The following PC variants were observed in gnomAD, a reference collection of about 807,000 sequenced individuals.
PC encodes pyruvate carboxylase.
Under a neutral mutation model 107.8 loss-of-function variants are expected in PC, and 46 were observed. That is an observed-to-expected ratio of 0.43 (90% confidence interval 0.34 to 0.55). The LOEUF (loss-of-function observed/expected upper bound fraction) is 0.55. Ranked by LOEUF, PC falls within the 20% of genes least tolerant of loss-of-function variation. The pLI, the probability that PC is intolerant of heterozygous loss-of-function variation, is 0.04. For synonymous variants in PC, 662 were observed against 684.7 expected, an observed-to-expected ratio of 0.97 and a Z score of 0.52; for missense variants, 1,241 against 1,643.1, an observed-to-expected ratio of 0.76 and a Z score of 4.23.
intron 9 of PC, 95 bp from the exon 10 acceptor site, chr11:66,869,059 T>G: frequency 2.1e-6 from 2 of 960,380 alleles, no homozygotes; most frequent in Non-Finnish European, 3.3e-6. Context: ...CCCATTGGGT[T>G]GGTTCCGTAA....
intron 3 of PC, among the ~76,000 whole-genome samples, chr11:66,883,825 C>T (rs1947266262): frequency 6.6e-6 from 1 of 152,118 alleles, no homozygotes; most frequent in South Asian, 2.1e-4. Context: ...GTGGCTCATG[C>T]TTGTAATCTC....
chr11:66,875,923 G>A (rs139897265), intron 3 of PC, among the ~76,000 whole-genome samples: 2,940 of 152,222 alleles, frequency 0.019, 44 homozygotes, highest in South Asian at 0.043. Flanking sequence ...TGGGGTTCCC[G>A]CTGCCGTGCA....
Position 66,857,942 on chromosome 11 carries a change from T to A in PC, c.1369-4559A>T. 6.2e-7 allele frequency: 1 copy of A among 1,612,462 alleles called. No homozygotes were observed. Among genetic ancestry groups the A allele is most frequent in the Non-Finnish European group, 8.5e-7 (1 of 1,179,906 alleles). On this transcript the variant is annotated intron_variant, in intron 12 of 22. Coordinates refer to ENST00000393960, the MANE Select transcript of PC (RefSeq NM_001040716.2). This position sits in a 1 kb window ranked among gnomAD's most constrained non-coding sequence, Gnocchi z 7.1. ...ACTTCATCCAGGCCCTGGGGCCCCC[T>A]GACTTCCGCAACATGACGGGACTGG...
chr11:66,872,678 C>T (rs946767310), intron 3 of PC, among the ~76,000 whole-genome samples: 53 of 150,682 alleles, frequency 3.5e-4, no homozygotes, highest in African/African-American at 1.0e-3. Flanking sequence ...GAGCTTGCAG[C>T]GAGCCGAGAT....
At chr11:66,862,706 TC>T (rs1946325731) in intron 12 of PC, among the ~76,000 whole-genome samples, 2 of 152,316 alleles carry the variant, frequency 1.3e-5, no homozygotes, top group Admixed American at 1.3e-4. Flanking sequence ...GGCTGTGGAT[TC>T]CTCTCTAGCT....
At chr11:66,859,648 C>T (rs774890962) in intron 12 of PC, 9 of 1,612,962 alleles carry the variant, frequency 5.6e-6, no homozygotes, top group Non-Finnish European at 7.6e-6. Flanking sequence ...ATTGTCCCAG[C>T]CTCCAGCCAC....
rs768625636 is a variant in PC, at chr11:66,870,830, C to T, written c.696G>A (p.Ala232=). The T allele has an allele frequency of 4.0e-5, 64 of 1,613,710 alleles. No individual in the cohort carries two copies. The highest frequency in any genetic ancestry group is 5.0e-5 in the Admixed American group (3 of 60,030). The change falls in exon 8 of 23, where the codon GCG becomes GCA. Residue 232 remains alanine, a synonymous_variant. Coordinates refer to ENST00000393960, the MANE Select transcript of PC (RefSeq NM_001040716.2). The surrounding 1 kb of genome is among the most constrained non-coding windows in gnomAD (Gnocchi z 6.1). The part of the protein sequence containing the change: ...SEALAAFGNG[A]LFVEKFIEKP... ...TCTCGATGAACTTCTCCACAAACAGCGCCCCATTCCCAAAGGCGGCCAGAG... is the reference window on the plus strand; with the variant it reads ...TCTCGATGAACTTCTCCACAAACAGTGCCCCATTCCCAAAGGCGGCCAGAG...
intron 3 of PC, among the ~76,000 whole-genome samples, chr11:66,950,041 CTTA>C (rs1033458276): frequency 2.0e-5 from 3 of 152,158 alleles, no homozygotes; most frequent in East Asian, 1.9e-4. Flanking sequence ...AAATAATATA[CTTA>C]TTATTAATGA....
At position 66,908,794 on chromosome 11, in the gene PC, G is replaced by C. The variant is rs75140526; in HGVS notation, c.1-36635C>G. On this transcript the variant is annotated intron_variant, in intron 3 of 22. Coordinates refer to ENST00000393960, the MANE Select transcript of PC (RefSeq NM_001040716.2). ...TGCGCCCTGATCCAAGCCAGGCAGA[G>C]GTCTGAACACCCCGATGTCCCCGAG... 1.9e-3 allele frequency among the ~76,000 whole-genome samples: 282 copies of C among 152,310 alleles called. 1 individual carries two copies. The highest frequency in any genetic ancestry group is 6.6e-3 in the African/African-American group (274 of 41,568).
chr11:66,849,555 A>G (rs895580069), intron 21 of PC, 56 bp downstream of exon 21: 1 of 1,613,294 alleles, frequency 6.2e-7, no homozygotes, highest in African/African-American at 1.3e-5. Flanking sequence ...GCTAAACTCC[A>G]GAGCTCTGGG....
At chr11:66,912,464 A>T (rs1043288334) in intron 3 of PC, among the ~76,000 whole-genome samples, 2 of 152,218 alleles carry the variant, frequency 1.3e-5, no homozygotes, top group Non-Finnish European at 2.9e-5. Context: ...TCACCTTGGG[A>T]CACAAGAAGA....
At chr11:66,943,966 GTC>G (rs1949222880) in intron 3 of PC, among the ~76,000 whole-genome samples, 1 of 110,284 alleles carries the variant, frequency 9.1e-6, no homozygotes, top group Non-Finnish European at 1.9e-5. Flanking sequence ...TAGCGAAACT[GTC>G]TCAAAAAAAA....
chr11:66,932,857 A>G (rs1565295549), intron 3 of PC, among the ~76,000 whole-genome samples: 1 of 152,210 alleles, frequency 6.6e-6, no homozygotes, highest in Non-Finnish European at 1.5e-5. Flanking sequence ...TCTTTTCTGC[A>G]CACCAAAACC....
chr11:66,870,734 C>T lies in PC; in HGVS notation c.751+41G>A. 1 of 1,566,774 alleles carries T rather than the reference C, an allele frequency of 6.4e-7. No individual in the cohort carries two copies. The highest frequency in any genetic ancestry group is 8.7e-7 in the Non-Finnish European group (1 of 1,143,312). ...GCACCAGGACTGGGCCTCTCAGCTC[C>T]CGCCTCCAGCTGCCCCAGGCGGGGC... On this transcript the variant is annotated intron_variant, in intron 8 of 22. Transcript: ENST00000393960. This position sits in a 1 kb window ranked among gnomAD's most constrained non-coding sequence, Gnocchi z 6.1.
chr11:66,855,490 G>A (rs1029319781), intron 12 of PC, among the ~76,000 whole-genome samples: 1 of 152,134 alleles, frequency 6.6e-6, no homozygotes, highest in Non-Finnish European at 1.5e-5. Context: ...ATAGAGATGG[G>A]GTTTCGCCAT....
At chr11:66,946,650 G>A (rs1056266067) in intron 3 of PC, among the ~76,000 whole-genome samples, 1 of 151,972 alleles carries the variant, frequency 6.6e-6, no homozygotes, top group African/African-American at 2.4e-5. Context: ...AATCAGCCAG[G>A]CATGACGTGC....
chr11:66,878,418 T>C (rs1278609667), intron 3 of PC, among the ~76,000 whole-genome samples: 1 of 152,238 alleles, frequency 6.6e-6, no homozygotes, highest in African/African-American at 2.4e-5. Flanking sequence ...CCTCAGAAGA[T>C]ATGCCAAAGG....
intron 12 of PC, chr11:66,859,817 G>T (rs769852392): frequency 6.3e-7 from 1 of 1,584,612 alleles, no homozygotes; most frequent in Non-Finnish European, 8.6e-7. Context: ...ACGCCCTGCA[G>T]GCCCACGTGC....
In PC at chr11:66,858,905, G is replaced by C; in HGVS notation, c.1368+4869C>G. 3 of 1,563,544 alleles carry C rather than the reference G, an allele frequency of 1.9e-6. No individual in the cohort carries two copies. Among genetic ancestry groups the C allele is most frequent in the Non-Finnish European group, 2.6e-6 (3 of 1,153,468 alleles). ...CCGAGGGGGGCCGCCCCGGGCCCTC[G>C]GACATCGCCGCCTCCGCTCGCACTG... On this transcript the variant is annotated intron_variant, in intron 12 of 22. Coordinates refer to ENST00000393960, the MANE Select transcript of PC (RefSeq NM_001040716.2). The surrounding 1 kb of genome is among the most constrained non-coding windows in gnomAD (Gnocchi z 5.9).
Sources: allele counts gnomAD v4.1 joint callset (sites outside exome capture counted in the v4.1 genomes callset), GRCh38; gene constraint gnomAD v4.1.1; non-coding constraint Gnocchi (gnomAD v3.1); transcripts MANE v1.5; gene names NCBI Gene and HGNC (gene_info 2026-07-23, HGNC 2026-07-21).